LHFPL6: variants seen among roughly 807,000 people sequenced by gnomAD.
LHFPL6 encodes the protein LHFPL tetraspan subfamily member 6, also known as LHFPL tetraspan subfamily member 6 protein.
Under a neutral mutation model 20.6 loss-of-function variants are expected in LHFPL6, and 9 were observed. That is an observed-to-expected ratio of 0.44 (90% CI 0.26 to 0.76). The LOEUF is 0.76. Ranked by LOEUF, LHFPL6 falls within the 30% of genes least tolerant of loss-of-function variation. The pLI, the probability that LHFPL6 is intolerant of heterozygous loss-of-function variation, is 0.20. For synonymous variants in LHFPL6, 105 were observed against 98.7 expected (o/e 1.06, Z -0.38); for missense variants, 218 against 253.5 (o/e 0.86, Z 0.95).
intron 2 of LHFPL6, among the ~76,000 whole-genome samples, chr13:39,560,981 A>G (rs569747627): frequency 2.0e-5 from 3 of 152,106 alleles, no homozygotes; most frequent in South Asian, 4.2e-4. Context: ...GACCCTGGTG[A>G]GCTTTCCAGC....
intron 2 of LHFPL6, among the ~76,000 whole-genome samples, chr13:39,580,379 A>G (rs1337421129): frequency 6.6e-6 from 1 of 152,168 alleles, no homozygotes; most frequent in African/African-American, 2.4e-5. Flanking sequence ...ATCTAGTAAC[A>G]CAGTATATTT....
chr13:39,390,090 A>G (rs1382074673), intron 2 of LHFPL6, among the ~76,000 whole-genome samples: 3 of 152,132 alleles, frequency 2.0e-5, no homozygotes, highest in African/African-American at 7.2e-5. Context: ...CTCTTCTTAC[A>G]TATTTCTAAG....
intron 2 of LHFPL6, among the ~76,000 whole-genome samples, chr13:39,579,353 C>T (rs1872211788): frequency 6.6e-6 from 1 of 152,116 alleles, no homozygotes; most frequent in Non-Finnish European, 1.5e-5. Context: ...TGCCAGAAGG[C>T]TTTTTAAATG....
intron 2 of LHFPL6, among the ~76,000 whole-genome samples, chr13:39,450,757 A>C (rs772892314): frequency 2.6e-5 from 4 of 152,174 alleles, no homozygotes; most frequent in Non-Finnish European, 5.9e-5. Flanking sequence ...CAGTCATTTC[A>C]TATGGCTCCA....
At chr13:39,365,556 G>A (rs774399605) in intron 3 of LHFPL6, among the ~76,000 whole-genome samples, 4 of 152,158 alleles carry the variant, frequency 2.6e-5, no homozygotes, top group East Asian at 3.9e-4. Flanking sequence ...AGTGCAAGAC[G>A]TGGTAAGATA....
intron 2 of LHFPL6, among the ~76,000 whole-genome samples, chr13:39,412,626 A>T (rs905894637): frequency 6.6e-6 from 1 of 152,208 alleles, no homozygotes; most frequent in Admixed American, 6.5e-5. Flanking sequence ...TACTTCCCCA[A>T]ATTTATACAA....
chr13:39,505,413 T>C lies in LHFPL6; in HGVS notation c.385+95419A>G, dbSNP rs550350262. On this transcript the variant is annotated intron_variant, in intron 2 of 3. Transcript: ENST00000379589. ...GAATTGCGCAAGACCCCAGAGGAGG[T>C]TGAGTGACAAACTACTGAAAGAAAT... is the stretch of plus-strand genomic sequence containing the variant. Among the ~76,000 whole-genome samples the C allele has an allele frequency of 5.3e-5, 8 of 151,848 alleles. No individual in the cohort carries two copies. The East Asian group carries it at 1.2e-3, about 22-fold the overall frequency.
intron 2 of LHFPL6, among the ~76,000 whole-genome samples, chr13:39,574,017 TGC>T (rs1435644832): frequency 6.6e-6 from 1 of 152,148 alleles, no homozygotes; most frequent in African/African-American, 2.4e-5. Context: ...TTCATCTGTG[TGC>T]GAGACAGGGA....
At chr13:39,534,062 T>C (rs1249087556) in intron 2 of LHFPL6, among the ~76,000 whole-genome samples, 1 of 152,120 alleles carries the variant, frequency 6.6e-6, no homozygotes, top group East Asian at 1.9e-4. Context: ...AAAGAAAAAT[T>C]AGATCTATAA....
chr13:39,541,895 C>G (rs1216156800), intron 2 of LHFPL6, among the ~76,000 whole-genome samples: 2 of 151,624 alleles, frequency 1.3e-5, no homozygotes, highest in Non-Finnish European at 2.9e-5. Context: ...CGAGACCATC[C>G]TGGCTAACAC....
chr13:39,381,495 A>G (rs763664338), intron 2 of LHFPL6, among the ~76,000 whole-genome samples: 1 of 151,788 alleles, frequency 6.6e-6, no homozygotes, highest in Non-Finnish European at 1.5e-5. Context: ...CACTCTCTAG[A>G]TACTCCCCTC....
intron 2 of LHFPL6, among the ~76,000 whole-genome samples, chr13:39,467,145 G>A (rs1293549923): frequency 6.6e-6 from 1 of 151,942 alleles, no homozygotes; most frequent in Non-Finnish European, 1.5e-5. Context: ...CCATCTTACT[G>A]TTCCCCTTAA....
chr13:39,578,510 G>A (rs1390314628), intron 2 of LHFPL6, among the ~76,000 whole-genome samples: 1 of 152,188 alleles, frequency 6.6e-6, no homozygotes, highest in Non-Finnish European at 1.5e-5. Flanking sequence ...GCCATGAGGT[G>A]TGAGAGTGAT....
chr13:39,370,265 G>T (rs1870132534), intron 3 of LHFPL6, among the ~76,000 whole-genome samples: 1 of 152,134 alleles, frequency 6.6e-6, no homozygotes, highest in South Asian at 2.1e-4. Context: ...GCCCCCATGG[G>T]TTCCTATACA....
At chr13:39,493,139 T>G (rs1051650456) in intron 2 of LHFPL6, among the ~76,000 whole-genome samples, 5 of 151,830 alleles carry the variant, frequency 3.3e-5, no homozygotes, top group African/African-American at 7.2e-5. Context: ...AAAATACTTA[T>G]AGCATTGACC....
chr13:39,455,166 C>T (rs992838199), intron 2 of LHFPL6, among the ~76,000 whole-genome samples: 3 of 151,784 alleles, frequency 2.0e-5, no homozygotes, highest in South Asian at 2.1e-4. Flanking sequence ...CCAACTCCCT[C>T]GAAAAAAACC....
chr13:39,443,732 A>AT (rs373712146), intron 2 of LHFPL6, among the ~76,000 whole-genome samples: 161 of 151,814 alleles, frequency 1.1e-3, no homozygotes, highest in African/African-American at 3.4e-3. Context: ...AACTTAAACA[A>AT]TTTTTTTTAC....
chr13:39,345,020 G>C (rs375831431), intron 3 of LHFPL6, among the ~76,000 whole-genome samples: 2 of 152,266 alleles, frequency 1.3e-5, no homozygotes, highest in South Asian at 2.1e-4. Context: ...AGTAAAGAAG[G>C]CCTCTATATC....
At chr13:39,473,483 A>C (rs1329318288) in intron 2 of LHFPL6, among the ~76,000 whole-genome samples, 1 of 145,124 alleles carries the variant, frequency 6.9e-6, no homozygotes, top group Non-Finnish European at 1.5e-5. Flanking sequence ...ACGGTAGTTC[A>C]GGTGAAGGAT....
Sources: allele counts gnomAD v4.1 joint callset (sites outside exome capture counted in the v4.1 genomes callset), GRCh38; gene constraint gnomAD v4.1.1; transcripts MANE v1.5; gene names NCBI Gene and HGNC (gene_info 2026-07-23, HGNC 2026-07-21).